Variants in KCNH7 observed in about 807,000 individuals in gnomAD.
The protein encoded by KCNH7 is potassium voltage-gated channel subfamily H member 7, also known as voltage-gated inwardly rectifying potassium channel KCNH7.
KCNH7 carries 49 observed loss-of-function variants against 120.8 expected under a neutral mutation model. That is an observed-to-expected ratio of 0.41 (90% CI 0.32 to 0.51). The LOEUF is 0.51. KCNH7 is among the 20% of genes least tolerant of loss of function. The pLI is 0.38. For synonymous variants in KCNH7, 547 were observed against 516.1 expected, an observed-to-expected ratio of 1.06 and a Z score of -0.81; for missense variants, 1,097 against 1,446.6, an observed-to-expected ratio of 0.76 and a Z score of 3.92.
At chr2:162,838,171 A>C (rs1420836270) in intron 1 of KCNH7, among the ~76,000 whole-genome samples, 1 of 152,226 alleles carries the variant, frequency 6.6e-6, no homozygotes. Flanking sequence ...AGATAGTAGA[A>C]TAGTAGGAAA....
chr2:162,755,850 C>A (rs1688770523), intron 2 of KCNH7, among the ~76,000 whole-genome samples: 1 of 152,004 alleles, frequency 6.6e-6, no homozygotes, highest in African/African-American at 2.4e-5. Flanking sequence ...CTTGGTACAT[C>A]TAAATTAAAA....
intron 6 of KCNH7, among the ~76,000 whole-genome samples, chr2:162,485,969 G>A (rs1690082811): frequency 6.6e-6 from 1 of 152,080 alleles, no homozygotes; most frequent in South Asian, 2.1e-4. Flanking sequence ...AATTAAGACT[G>A]TGTTGCTGAT....
intron 2 of KCNH7, among the ~76,000 whole-genome samples, chr2:162,644,616 A>G (rs1173229101): frequency 6.6e-6 from 1 of 152,228 alleles, no homozygotes; most frequent in Non-Finnish European, 1.5e-5. Flanking sequence ...GATAATGGCC[A>G]TTCATTTTAA....
intron 2 of KCNH7, among the ~76,000 whole-genome samples, chr2:162,739,214 T>C (rs1559109218): frequency 6.6e-6 from 1 of 152,148 alleles, no homozygotes; most frequent in Admixed American, 6.6e-5. Flanking sequence ...ATGCCTGTTC[T>C]ACTCTTACTC....
At chr2:162,522,102 A>AT (rs1691551178) in intron 3 of KCNH7, among the ~76,000 whole-genome samples, 1 of 151,928 alleles carries the variant, frequency 6.6e-6, no homozygotes, top group Non-Finnish European at 1.5e-5. Flanking sequence ...TTTTGCAAGC[A>AT]TTCTTACATA....
intron 2 of KCNH7, among the ~76,000 whole-genome samples, chr2:162,648,579 C>A (rs973541171): frequency 3.3e-5 from 5 of 152,190 alleles, no homozygotes; most frequent in African/African-American, 1.2e-4. Context: ...CATGAATACA[C>A]ATCTCTGTGC....
chr2:162,394,395 C>G lies in KCNH7; in HGVS notation c.2704G>C (p.Glu902Gln), dbSNP rs1308174508. The G allele has an allele frequency of 1.9e-6, 3 of 1,540,326 alleles. No homozygotes were observed. The highest frequency in any genetic ancestry group is 2.7e-6 in the Non-Finnish European group (3 of 1,113,878). The change falls in exon 12 of 16, where the codon GAG becomes CAG. Residue 902 changes from glutamate (E) to glutamine (Q), a missense_variant. This residue lies in a region of KCNH7 where 406 missense variants were observed against 410.5 expected (regional missense o/e 0.99). Coordinates refer to ENST00000332142, the MANE Select transcript of KCNH7 (RefSeq NM_033272.4). The part of the protein sequence containing the change: ...RRKLSFESEG[E>Q]KENSTNDPED... Reference sequence around the variant, plus strand: ...TAGGAATGGAATGAATTACCTTTCTCTCCTTCACTTTCAAATGACAATTTC... The same window carrying G: ...TAGGAATGGAATGAATTACCTTTCTGTCCTTCACTTTCAAATGACAATTTC...
At chr2:162,400,092 A>G (rs1370273629) in intron 10 of KCNH7, 97 bp downstream of exon 10, 2 of 1,323,500 alleles carry the variant, frequency 1.5e-6, no homozygotes, top group East Asian at 2.3e-5. Flanking sequence ...AACTGTTCTT[A>G]TGAATACATA....
intron 2 of KCNH7, among the ~76,000 whole-genome samples, chr2:162,557,711 G>A (rs938051044): frequency 7.2e-5 from 11 of 151,846 alleles, no homozygotes; most frequent in Non-Finnish European, 1.2e-4. Flanking sequence ...TGACCTGGTC[G>A]CCACAGGTGA....
intron 2 of KCNH7, among the ~76,000 whole-genome samples, chr2:162,740,946 T>C (rs1052538411): frequency 1.3e-5 from 2 of 152,192 alleles, no homozygotes; most frequent in Admixed American, 6.5e-5. Context: ...GTGGGTTTGT[T>C]GTCATCTCAA....
intron 11 of KCNH7, among the ~76,000 whole-genome samples, chr2:162,395,333 T>C (rs1686880142): frequency 1.3e-5 from 2 of 151,788 alleles, no homozygotes; most frequent in South Asian, 2.1e-4. Flanking sequence ...AAATTAGCTA[T>C]GGTGTTTAAA....
intron 10 of KCNH7, among the ~76,000 whole-genome samples, chr2:162,399,147 GA>G (rs964324154): frequency 2.6e-5 from 4 of 151,584 alleles, no homozygotes; most frequent in African/African-American, 4.8e-5. Flanking sequence ...TAATCCACAG[GA>G]GAAAAATGCA....
At chr2:162,799,339 T>C (rs1307595508) in intron 2 of KCNH7, among the ~76,000 whole-genome samples, 1 of 151,984 alleles carries the variant, frequency 6.6e-6, no homozygotes, top group Non-Finnish European at 1.5e-5. Context: ...ATTTCTTCTT[T>C]AAATTTTTGC....
chr2:162,490,776 T>C (rs1446600539), intron 6 of KCNH7, among the ~76,000 whole-genome samples: 1 of 152,214 alleles, frequency 6.6e-6, no homozygotes, highest in African/African-American at 2.4e-5. Context: ...TTCTTTCTTT[T>C]TCAGGGCTGT....
chr2:162,513,438 C>CCTCCTTCT, intron 4 of KCNH7, among the ~76,000 whole-genome samples: 1 of 130,840 alleles, frequency 7.6e-6, no homozygotes, highest in Non-Finnish European at 1.6e-5. Flanking sequence ...TCCTTCCTTC[C>CCTCCTTCT]TTCCTTCCTT....
intron 5 of KCNH7, among the ~76,000 whole-genome samples, chr2:162,508,237 C>T (rs1237491015): frequency 2.0e-5 from 3 of 151,070 alleles, no homozygotes; most frequent in Non-Finnish European, 4.4e-5. Context: ...TCAAATTTGG[C>T]CTCAGAATTT....
chr2:162,611,080 G>C (rs1332223259), intron 2 of KCNH7, among the ~76,000 whole-genome samples: 2 of 152,152 alleles, frequency 1.3e-5, no homozygotes, highest in Admixed American at 6.5e-5. Context: ...CAGTTCTCAG[G>C]CATGTCATGT....
chr2:162,642,568 A>G (rs1684199726), intron 2 of KCNH7, among the ~76,000 whole-genome samples: 1 of 152,208 alleles, frequency 6.6e-6, no homozygotes. Flanking sequence ...GGGCTCTTGG[A>G]GAAATGTATT....
chr2:162,410,437 T>G (rs2105464138), intron 9 of KCNH7, among the ~76,000 whole-genome samples: 1 of 152,106 alleles, frequency 6.6e-6, no homozygotes, highest in South Asian at 2.1e-4. Context: ...TCAAGATGGA[T>G]TAAAGACTTA....
Sources: gnomAD v4.1 joint callset for allele counts (sites outside exome capture counted in the v4.1 genomes callset) on GRCh38, gnomAD v4.1.1 for gene constraint, gnomAD v4.1.1 regional missense constraint, MANE v1.5 for transcripts, NCBI Gene and HGNC (gene_info 2026-07-23, HGNC 2026-07-21) for gene names.